The following VAV3 variants were observed in gnomAD, a reference collection of about 807,000 sequenced individuals.
The protein encoded by VAV3 is guanine nucleotide exchange factor VAV3.
VAV3 carries 94 observed loss-of-function variants against 131.2 expected under a neutral mutation model. That is an observed-to-expected ratio of 0.72 (90% CI 0.61 to 0.85). The LOEUF (loss-of-function observed/expected upper bound fraction) is 0.85. Among genes scored for constraint, VAV3 ranks in the 40% least tolerant of loss-of-function variants. The pLI, the probability that VAV3 is intolerant of heterozygous loss-of-function variation, is 0.00. For missense variants in VAV3, 939 were observed against 1,002.7 expected, an observed-to-expected ratio of 0.94 and a Z score of 0.86; for synonymous variants, 349 against 342.0, an observed-to-expected ratio of 1.02 and a Z score of -0.22.
chr1:107,782,505 C>T (rs577705124), intron 2 of VAV3, among the ~76,000 whole-genome samples: 9 of 152,272 alleles, frequency 5.9e-5, no homozygotes, highest in African/African-American at 2.2e-4. Flanking sequence ...TTCTGCTTAA[C>T]AGGAGTTATT....
chr1:107,643,313 C>T (rs1426855867), intron 19 of VAV3, among the ~76,000 whole-genome samples: 1 of 152,150 alleles, frequency 6.6e-6, no homozygotes, highest in African/African-American at 2.4e-5. Context: ...TTTAGGCTTG[C>T]AAAACAGACC....
chr1:107,675,660 C>T (rs978345911), intron 19 of VAV3, among the ~76,000 whole-genome samples: 5 of 152,164 alleles, frequency 3.3e-5, no homozygotes, highest in African/African-American at 1.2e-4. Flanking sequence ...CTTACCCTGA[C>T]CTTTCCTTTA....
At chr1:107,697,153 C>T (rs1659793078) in intron 17 of VAV3, among the ~76,000 whole-genome samples, 2 of 152,190 alleles carry the variant, frequency 1.3e-5, no homozygotes, top group African/African-American at 4.8e-5. Context: ...GATGCCATGG[C>T]TTCCAGCTTT....
At chr1:107,896,622 C>G (rs1192431990) in intron 1 of VAV3, among the ~76,000 whole-genome samples, 1 of 152,102 alleles carries the variant, frequency 6.6e-6, no homozygotes, top group African/African-American at 2.4e-5. Flanking sequence ...GCAACCCAAG[C>G]CTCATGTACT....
intron 2 of VAV3, among the ~76,000 whole-genome samples, chr1:107,804,360 T>G (rs1570976922): frequency 6.6e-6 from 1 of 152,168 alleles, no homozygotes; most frequent in Admixed American, 6.6e-5. Flanking sequence ...CTTCCTCTGG[T>G]AACATGTTTT....
intron 20 of VAV3, among the ~76,000 whole-genome samples, chr1:107,638,014 T>G (rs1655062397): frequency 6.6e-6 from 1 of 152,220 alleles, no homozygotes; most frequent in Admixed American, 6.5e-5. Context: ...TGACATCTAT[T>G]ACTGATGAAA....
chr1:107,893,780 T>G (rs1224897598), intron 1 of VAV3, among the ~76,000 whole-genome samples: 1 of 152,218 alleles, frequency 6.6e-6, no homozygotes, highest in Non-Finnish European at 1.5e-5. Flanking sequence ...CTGACCAAAG[T>G]TATAAGAAAC....
At chr1:107,858,317 C>A (rs1234439652) in intron 2 of VAV3, among the ~76,000 whole-genome samples, 1 of 152,186 alleles carries the variant, frequency 6.6e-6, no homozygotes, top group African/African-American at 2.4e-5. Flanking sequence ...AAAACAGTTT[C>A]TTCTCTTCTA....
intron 18 of VAV3, 27 bp downstream of exon 18, chr1:107,688,353 TA>T: frequency 2.5e-6 from 4 of 1,609,176 alleles, no homozygotes; most frequent in Non-Finnish European, 2.5e-6. Flanking sequence ...GCAAAGGTTA[TA>T]AAAAATATTT....
chr1:107,818,061 C>G (rs1416018970), intron 2 of VAV3, among the ~76,000 whole-genome samples: 3 of 152,176 alleles, frequency 2.0e-5, no homozygotes, highest in African/African-American at 7.2e-5. Context: ...GGACTCCTAA[C>G]TGGGCCAACT....
chr1:107,946,435 C>A (rs1315189882), intron 1 of VAV3, among the ~76,000 whole-genome samples: 3 of 152,114 alleles, frequency 2.0e-5, no homozygotes, highest in Non-Finnish European at 4.4e-5. Context: ...TGTTTTTAAC[C>A]AAGACTTTGG....
intron 19 of VAV3, among the ~76,000 whole-genome samples, chr1:107,652,096 A>G (rs1184608336): frequency 1.3e-5 from 2 of 152,160 alleles, no homozygotes; most frequent in African/African-American, 4.8e-5. Context: ...TCTAAGTCAC[A>G]GGATACGCTA....
intron 4 of VAV3, among the ~76,000 whole-genome samples, chr1:107,776,110 T>C (rs1665342098): frequency 6.6e-6 from 1 of 152,232 alleles, no homozygotes; most frequent in Admixed American, 6.5e-5. Flanking sequence ...AGATAGTGCA[T>C]ATAACCTGGT....
chr1:107,796,818 TG>T (rs1666574781), intron 2 of VAV3, among the ~76,000 whole-genome samples: 1 of 150,500 alleles, frequency 6.6e-6, no homozygotes, highest in African/African-American at 2.4e-5. Flanking sequence ...TATATATATA[TG>T]CAAATTTACC....
chr1:107,686,720 T>C (rs1474510225), intron 18 of VAV3, among the ~76,000 whole-genome samples: 1 of 152,224 alleles, frequency 6.6e-6, no homozygotes, highest in Non-Finnish European at 1.5e-5. Context: ...AAAAAACTGA[T>C]GTTATATATT....
Position 107,927,874 on chromosome 1 carries a change from T to A in VAV3, c.204+36792A>T, listed in dbSNP as rs959063140. Among the ~76,000 whole-genome samples the A allele has an allele frequency of 5.9e-5, 9 of 152,136 alleles. No homozygotes were observed. In the East Asian group the frequency reaches 9.6e-4, roughly 16 times the overall value. ...GAACTTGCTGCCCTGAAGGGAAGGA[T>A]ACAAGCCTGGCTTCACCACCTGCTG... On this transcript the variant is annotated intron_variant, in intron 1 of 26. Coordinates refer to ENST00000370056, the MANE Select transcript of VAV3 (RefSeq NM_006113.5).
chr1:107,843,861 AAAG>A (rs1668842754), intron 2 of VAV3, among the ~76,000 whole-genome samples: 1 of 152,110 alleles, frequency 6.6e-6, no homozygotes, highest in Non-Finnish European at 1.5e-5. Flanking sequence ...GTGGGGGTTC[AAAG>A]AAGATGATTC....
At chr1:107,843,172 A>T (rs1402729888) in intron 2 of VAV3, among the ~76,000 whole-genome samples, 1 of 151,972 alleles carries the variant, frequency 6.6e-6, no homozygotes, top group Non-Finnish European at 1.5e-5. Context: ...CTGGGTGGGC[A>T]TTATAACTGA....
At chr1:107,881,146 C>T (rs747260390) in intron 1 of VAV3, among the ~76,000 whole-genome samples, 1 of 152,070 alleles carries the variant, frequency 6.6e-6, no homozygotes, top group Non-Finnish European at 1.5e-5. Flanking sequence ...TTTCTTCTTA[C>T]TAGAGAGATG....
Sources: gnomAD v4.1 joint callset for allele counts (sites outside exome capture counted in the v4.1 genomes callset) on GRCh38, gnomAD v4.1.1 for gene constraint, MANE v1.5 for transcripts, NCBI Gene and HGNC (gene_info 2026-07-23, HGNC 2026-07-21) for gene names.